MICB: variants seen among roughly 807,000 people sequenced by gnomAD.
MICB encodes MHC class I antigen-related protein B.
MICB carries 27 observed loss-of-function variants against 34.3 expected under a neutral mutation model. The ratio of observed to expected loss-of-function variants is 0.79; its 90% CI spans 0.58 to 1.08. The LOEUF (loss-of-function observed/expected upper bound fraction) is 1.08, where lower values mean the gene tolerates loss of function less well. Ranked by LOEUF, MICB falls within the 50% of genes least tolerant of loss-of-function variation. The pLI is 0.00. For missense variants in MICB, 426 were observed against 483.1 expected (o/e 0.88, Z 1.11); for synonymous variants, 153 against 187.4 (o/e 0.82, Z 1.50).
intron 1 of MICB, among the ~76,000 whole-genome samples, chr6:31,500,742 G>A (rs1442327205): frequency 6.6e-6 from 1 of 152,136 alleles, no homozygotes; most frequent in African/African-American, 2.4e-5. Context: ...TTCACATGAT[G>A]ACCTCCAGTT....
At chr6:31,509,628 A>G (rs888586991) in intron 5 of MICB, among the ~76,000 whole-genome samples, 154 bp from the exon 6 acceptor site, 1 of 152,144 alleles carries the variant, frequency 6.6e-6, no homozygotes, top group Non-Finnish European at 1.5e-5. Context: ...GGGGCTGGGA[A>G]AAGCAAGGAG....
chr6:31,498,446 C>CTTT (rs9279321), intron 1 of MICB, among the ~76,000 whole-genome samples, 183 bp downstream of exon 1: 1 of 89,260 alleles, frequency 1.1e-5, no homozygotes, highest in Non-Finnish European at 2.1e-5. Flanking sequence ...TCTCCCGTCT[C>CTTT]TTTTTTTTTT....
chr6:31,506,438 C>T lies in MICB; in HGVS notation c.613+8C>T. 6.2e-7 allele frequency: 1 copy of T among 1,611,972 alleles called. No homozygotes were observed. The highest frequency in any genetic ancestry group is 1.3e-5 in the African/African-American group (1 of 74,924). On this transcript the variant is annotated splice_region_variant and intron_variant, in intron 3 of 5. Transcript: ENST00000252229. ...TGGCCATCAGGAGAACAGGTACCGA[C>T]CCTGGCCAGGGGCTCTACTGTTCCC... is the stretch of plus-strand genomic sequence containing the variant.
Position 31,507,146 on chromosome 6 carries a change from GAGC to G in MICB, c.739_741del (p.Ser247del), listed in dbSNP as rs1562366432. ...CCTGGCGTCAGGATGGGGTATCTTT[GAGC>G]CACAACACCCAGCAGTGGGGGGATG... On this transcript the variant is annotated inframe_deletion, in exon 4 of 6. Transcript: ENST00000252229. The surrounding 1 kb of genome is among the most constrained non-coding windows in gnomAD (Gnocchi z 6.0). 2.5e-6 allele frequency: 4 copies of G among 1,614,134 alleles called. No homozygotes were observed. Among genetic ancestry groups the G allele is most frequent in the Non-Finnish European group, 3.4e-6 (4 of 1,180,014 alleles).
chr6:31,496,810 G>A (rs1203568799), upstream of MICB: 1 of 152,906 alleles, frequency 6.5e-6, no homozygotes, highest in Admixed American at 6.5e-5. Flanking sequence ...AGATTTTGAG[G>A]ATATGCTGTG....
In MICB at chr6:31,505,703, G is replaced by T; in HGVS notation, c.157G>T (p.Gly53Cys). Residue 53 changes from glycine (G) to cysteine (C), a missense_variant, in exon 2 of 6, where the codon GGT becomes TGT. Coordinates refer to ENST00000252229, the MANE Select transcript of MICB (RefSeq NM_005931.5). ...SGFLAEGHLD[G>C]QPFLRYDRQK... ...GTTTCTCGCTGAGGGACATCTGGAT[G>T]GTCAGCCCTTCCTGCGCTATGACAG... is the stretch of plus-strand genomic sequence containing the variant. 1 of 1,613,088 alleles carries T rather than the reference G, an allele frequency of 6.2e-7. No individual in the cohort carries two copies. Among genetic ancestry groups the T allele is most frequent in the African/African-American group, 1.3e-5 (1 of 75,036 alleles).
At chr6:31,508,739 C>G (rs2150294795) in intron 5 of MICB, among the ~76,000 whole-genome samples, 1 of 152,324 alleles carries the variant, frequency 6.6e-6, no homozygotes, top group South Asian at 2.1e-4. Flanking sequence ...GCCAGTTTCT[C>G]AAAATTCCTG....
At chr6:31,503,104 T>C (rs1448180233) in intron 1 of MICB, among the ~76,000 whole-genome samples, 1 of 152,236 alleles carries the variant, frequency 6.6e-6, no homozygotes, top group Non-Finnish European at 1.5e-5. Flanking sequence ...ATGATCTTTT[T>C]AATATACTGT....
At chr6:31,498,022 A>C, upstream of MICB, 1 of 386,784 alleles carries the variant, frequency 2.6e-6, no homozygotes, top group Non-Finnish European at 4.7e-6. Context: ...TCTCTTCTGA[A>C]CGTGGCCCCG....
chr6:31,505,991 A>AG (rs1033401410), intron 2 of MICB, 120 bp downstream of exon 2: 1 of 1,478,922 alleles, frequency 6.8e-7, no homozygotes, highest in African/African-American at 1.4e-5. Context: ...GAATAGGGTC[A>AG]GGGAGGCTCA....
At position 31,507,441 on chromosome 6, in the gene MICB, T is replaced by C; in HGVS notation, c.934T>C (p.Tyr312His). The C allele has an allele frequency of 1.9e-6, 3 of 1,614,170 alleles. No homozygotes were observed. The highest frequency in any genetic ancestry group is 2.5e-6 in the Non-Finnish European group (3 of 1,180,022). Residue 312 changes from tyrosine to histidine, a missense_variant, in exon 5 of 6, where the codon TAT (tyrosine) becomes CAT (histidine). By Grantham distance (83) the Tyr-to-His change is moderately conservative. Transcript: ENST00000252229. The surrounding 1 kb of genome is among the most constrained non-coding windows in gnomAD (Gnocchi z 6.0). Reference sequence around the variant, plus strand: ...TCAGAGTCAACGGACAGACTTTCCATATGTTTCTGCTGCTATGCCATGTTT... The same window carrying C: ...TCAGAGTCAACGGACAGACTTTCCACATGTTTCTGCTGCTATGCCATGTTT... ...VLQSQRTDFP[Y>H]VSAAMPCFVI...
intron 5 of MICB, 89 bp from the exon 6 acceptor site, chr6:31,509,693 T>G: frequency 7.0e-7 from 1 of 1,433,092 alleles, no homozygotes; most frequent in East Asian, 2.5e-5. Context: ...GCGAATCTGA[T>G]TTTGGGGCAA....
At chr6:31,499,344 C>T (rs1357977957) in intron 1 of MICB, among the ~76,000 whole-genome samples, 2 of 152,090 alleles carry the variant, frequency 1.3e-5, no homozygotes, top group African/African-American at 2.4e-5. Flanking sequence ...GTTGCTCTCC[C>T]AGCTCCCTGC....
intron 3 of MICB, 112 bp downstream of exon 3, chr6:31,506,542 G>C: frequency 8.2e-7 from 1 of 1,216,346 alleles, no homozygotes; most frequent in Admixed American, 2.6e-5. Context: ...GGCGTTTCCT[G>C]TTGGCATATT....
chr6:31,503,986 T>TGTGTGTGTGTGTGTGTG (rs1371417972), intron 1 of MICB, among the ~76,000 whole-genome samples: 20 of 147,894 alleles, frequency 1.4e-4, no homozygotes, highest in African/African-American at 4.3e-4. Context: ...TGTGTGTGTG[T>TGTGTGTGTGTGTGTGTG]GATAATAGCC....
upstream of MICB, chr6:31,498,018 C>A (rs3828913): frequency 8.0e-3 from 3,038 of 381,542 alleles, 134 homozygotes; most frequent in East Asian, 0.13. Flanking sequence ...ATTTTCTCTT[C>A]TGAACGTGGC....
upstream of MICB, among the ~76,000 whole-genome samples, chr6:31,495,637 TA>T (rs777176218): frequency 1.9e-4 from 29 of 150,380 alleles, no homozygotes; most frequent in Non-Finnish European, 3.6e-4. Flanking sequence ...TAGTTGAACT[TA>T]AAAAAAAAGG....
rs1582860398 is a variant in MICB, at chr6:31,498,227, G to C, written c.34G>C (p.Val12Leu). ...GGGCCGGGTCCTGCTGTTTCTGGCC[G>C]TCGCCTTCCCTTTTGCACCCCCGGC... is the stretch of plus-strand genomic sequence containing the variant. Reference protein sequence around the residue: ...GLGRVLLFLAVAFPFAPPAAA... With the variant: ...GLGRVLLFLALAFPFAPPAAA... Residue 12 changes from valine to leucine, a missense_variant, in exon 1 of 6, where the codon GTC (valine) becomes CTC (leucine). Coordinates refer to ENST00000252229, the MANE Select transcript of MICB (RefSeq NM_005931.5). 1 of 1,584,150 alleles carries C rather than the reference G, an allele frequency of 6.3e-7. No individual in the cohort carries two copies. The highest frequency in any genetic ancestry group is 8.6e-7 in the Non-Finnish European group (1 of 1,163,436).
At position 31,507,800 on chromosome 6, in the gene MICB, C is replaced by T. The variant is rs1192619873; in HGVS notation, c.1024+269C>T. Among the ~76,000 whole-genome samples, 3 of 152,118 alleles carry T rather than the reference C, an allele frequency of 2.0e-5. No homozygotes were observed. Among genetic ancestry groups the T allele is most frequent in the Admixed American group, 6.5e-5 (1 of 15,270 alleles). On this transcript the variant is annotated intron_variant, in intron 5 of 5. Transcript: ENST00000252229. This position sits in a 1 kb window ranked among gnomAD's most constrained non-coding sequence, Gnocchi z 6.0. The stretch of plus-strand genomic sequence containing the variant: ...GTGGGCAGCAGGGAGGGCTGTGGCA[C>T]CTGCTCTGTCCCCATCCCAGCCTCT...
Sources: gnomAD v4.1 joint callset for allele counts (sites outside exome capture counted in the v4.1 genomes callset) on GRCh38, gnomAD v4.1.1 for gene constraint, Gnocchi (gnomAD v3.1) non-coding constraint, MANE v1.5 for transcripts, NCBI Gene and HGNC (gene_info 2026-07-23, HGNC 2026-07-21) for gene names.